Variants in CNTNAP2 observed in about 807,000 individuals in gnomAD.
CNTNAP2 encodes the protein contactin-associated protein-like 2.
Under a neutral mutation model 155.2 loss-of-function variants are expected in CNTNAP2, and 98 were observed. The ratio of observed to expected loss-of-function variants is 0.63; its 90% CI spans 0.54 to 0.75. The LOEUF (loss-of-function observed/expected upper bound fraction) is 0.75, where lower values mean the gene tolerates loss of function less well. CNTNAP2 is among the 30% of genes least tolerant of loss of function. The pLI, the probability that CNTNAP2 is intolerant of heterozygous loss-of-function variation, is 0.00. For synonymous variants in CNTNAP2, 651 were observed against 631.2 expected (o/e 1.03, Z -0.47); for missense variants, 1,727 against 1,688.1 (o/e 1.02, Z -0.40).
At chr7:147,211,453 G>A (rs1603456) in intron 8 of CNTNAP2, among the ~76,000 whole-genome samples, 10,700 of 151,864 alleles carry the variant, frequency 0.07, 398 homozygotes, top group Non-Finnish European at 0.089. Context: ...CATAGCACTG[G>A]CACAAAAACA....
At chr7:146,156,443 T>C (rs889089465) in intron 1 of CNTNAP2, among the ~76,000 whole-genome samples, 5 of 152,238 alleles carry the variant, frequency 3.3e-5, no homozygotes, top group Non-Finnish European at 5.9e-5. Context: ...TAGTGATTTA[T>C]ATTCCTCTAA....
chr7:148,392,139 T>A lies in CNTNAP2; in HGVS notation c.3715+8251T>A, dbSNP rs552810360. On this transcript the variant is annotated intron_variant, in intron 22 of 23. Coordinates refer to ENST00000361727, the MANE Select transcript of CNTNAP2 (RefSeq NM_014141.6). ...ACTAGGCTGGAGTGTAGAGGCGTGA[T>A]CTCGGCTCACTGCAACCTCCACCTC... Among the ~76,000 whole-genome samples, 12 of 149,812 alleles carry A rather than the reference T, an allele frequency of 8.0e-5. No homozygotes were observed. In the South Asian group the frequency reaches 2.5e-3, roughly 31 times the overall value.
chr7:148,030,285 T>C (rs1802450262), intron 15 of CNTNAP2, among the ~76,000 whole-genome samples: 1 of 152,130 alleles, frequency 6.6e-6, no homozygotes, highest in Non-Finnish European at 1.5e-5. Flanking sequence ...GCAATTAGAG[T>C]TTCTTAATCG....
intron 6 of CNTNAP2, among the ~76,000 whole-genome samples, chr7:147,127,698 T>C (rs956546656): frequency 6.6e-5 from 10 of 152,202 alleles, no homozygotes; most frequent in African/African-American, 2.4e-4. Context: ...CTGTCATTGA[T>C]TCTTTATAGT....
At chr7:148,254,701 A>G (rs1485691628) in intron 20 of CNTNAP2, among the ~76,000 whole-genome samples, 2 of 148,732 alleles carry the variant, frequency 1.3e-5, no homozygotes, top group African/African-American at 4.9e-5. Flanking sequence ...GCTTGAACCC[A>G]GGAGGCGGAA....
chr7:146,553,767 T>G (rs2129143158), intron 1 of CNTNAP2, among the ~76,000 whole-genome samples: 1 of 152,116 alleles, frequency 6.6e-6, no homozygotes, highest in Admixed American at 6.6e-5. Context: ...AATGTTGAGG[T>G]TTTGTTTCTT....
chr7:147,248,085 A>T (rs1804107587), intron 8 of CNTNAP2, among the ~76,000 whole-genome samples: 1 of 152,110 alleles, frequency 6.6e-6, no homozygotes, highest in Non-Finnish European at 1.5e-5. Context: ...AAATAGGCAA[A>T]TACCACATAA....
chr7:146,285,373 A>G (rs1029976816), intron 1 of CNTNAP2, among the ~76,000 whole-genome samples: 1 of 152,124 alleles, frequency 6.6e-6, no homozygotes, highest in African/African-American at 2.4e-5. Flanking sequence ...TACTCAATCA[A>G]TAGTTATTAT....
chr7:146,190,084 G>A (rs368253948), intron 1 of CNTNAP2, among the ~76,000 whole-genome samples: 46 of 152,116 alleles, frequency 3.0e-4, no homozygotes, highest in African/African-American at 8.2e-4. Context: ...AGGTAATAAC[G>A]GAGATATACT....
At chr7:146,156,671 C>T (rs1049636351) in intron 1 of CNTNAP2, among the ~76,000 whole-genome samples, 14 of 152,024 alleles carry the variant, frequency 9.2e-5, no homozygotes, top group South Asian at 8.3e-4. Context: ...GGCACAATTT[C>T]GGCTCACTAT....
At chr7:148,318,508 G>A (rs1419185854) in intron 21 of CNTNAP2, among the ~76,000 whole-genome samples, 3 of 152,106 alleles carry the variant, frequency 2.0e-5, no homozygotes, top group Admixed American at 2.0e-4. Context: ...CAGATTGATT[G>A]TTCAGTGAAT....
chr7:147,471,904 C>G (rs1328813554), intron 10 of CNTNAP2, among the ~76,000 whole-genome samples: 2 of 152,084 alleles, frequency 1.3e-5, no homozygotes, highest in Admixed American at 6.5e-5. Flanking sequence ...ATTGGGAAGA[C>G]AGAGGAGAAA....
intron 8 of CNTNAP2, among the ~76,000 whole-genome samples, chr7:147,281,106 T>C (rs986429576): frequency 6.6e-6 from 1 of 151,938 alleles, no homozygotes; most frequent in Non-Finnish European, 1.5e-5. Context: ...CACAGAATGG[T>C]CACTTATTAA....
At chr7:146,612,239 A>ATGC (rs1554455857) in intron 1 of CNTNAP2, among the ~76,000 whole-genome samples, 1 of 151,606 alleles carries the variant, frequency 6.6e-6, no homozygotes, top group Non-Finnish European at 1.5e-5. Context: ...TATATTAGTA[A>ATGC]TGTAAAATAG....
intron 1 of CNTNAP2, among the ~76,000 whole-genome samples, chr7:146,703,286 T>A (rs1428116015): frequency 6.6e-6 from 1 of 152,046 alleles, no homozygotes; most frequent in Non-Finnish European, 1.5e-5. Context: ...TCTGGAGGGG[T>A]CTCTATGAGG....
chr7:147,033,494 C>A (rs1799084918), intron 3 of CNTNAP2, among the ~76,000 whole-genome samples: 1 of 151,804 alleles, frequency 6.6e-6, no homozygotes, highest in South Asian at 2.1e-4. Flanking sequence ...GTCTAGCATG[C>A]TCTATTTTTT....
intron 19 of CNTNAP2, among the ~76,000 whole-genome samples, chr7:148,226,637 GA>G (rs11286523): frequency 0.64 from 97,388 of 151,882 alleles, 31,698 homozygotes; most frequent in Middle Eastern, 0.68. Context: ...CTGGAAAGGG[GA>G]AAAAAAATGC....
chr7:147,882,326 C>T (rs915610919), intron 13 of CNTNAP2, among the ~76,000 whole-genome samples: 2 of 152,130 alleles, frequency 1.3e-5, no homozygotes, highest in Non-Finnish European at 2.9e-5. Context: ...ACTCACTGAT[C>T]TCTATTTCAC....
At chr7:147,571,809 C>G (rs1204448677) in intron 12 of CNTNAP2, among the ~76,000 whole-genome samples, 5 of 152,052 alleles carry the variant, frequency 3.3e-5, no homozygotes, top group African/African-American at 9.7e-5. Context: ...ATTATATTCC[C>G]TCTACTCATT....
Sources: gnomAD v4.1 joint callset for allele counts (sites outside exome capture counted in the v4.1 genomes callset) on GRCh38, gnomAD v4.1.1 for gene constraint, MANE v1.5 for transcripts, NCBI Gene and HGNC (gene_info 2026-07-23, HGNC 2026-07-21) for gene names.